The following CACNA2D3 variants were observed in gnomAD, a reference collection of about 807,000 sequenced individuals.
The protein encoded by CACNA2D3 is calcium voltage-gated channel auxiliary subunit alpha2delta 3.
Under a neutral mutation model 160.6 loss-of-function variants are expected in CACNA2D3, and 60 were observed. The observed-to-expected ratio is 0.37, with a 90% confidence interval of 0.30 to 0.46. The LOEUF is 0.46. Ranked by LOEUF, CACNA2D3 falls within the 20% of genes least tolerant of loss-of-function variation. CACNA2D3 has a pLI of 1.00. For synonymous variants in CACNA2D3, 558 were observed against 492.9 expected (o/e 1.13, Z -1.75); for missense variants, 1,205 against 1,365.0 (o/e 0.88, Z 1.85).
At chr3:54,569,191 A>G (rs901524933) in intron 6 of CACNA2D3, among the ~76,000 whole-genome samples, 1 of 152,352 alleles carries the variant, frequency 6.6e-6, no homozygotes, top group Admixed American at 6.5e-5. Flanking sequence ...ACACATGGGG[A>G]AAACTCCCCA....
intron 31 of CACNA2D3, among the ~76,000 whole-genome samples, chr3:54,991,156 A>G (rs1219400777): frequency 6.6e-6 from 1 of 152,016 alleles, no homozygotes; most frequent in East Asian, 1.9e-4. Flanking sequence ...AAATAGGACC[A>G]GTTGCACAAT....
chr3:54,610,284 C>G (rs542569711), intron 9 of CACNA2D3, among the ~76,000 whole-genome samples: 1 of 152,184 alleles, frequency 6.6e-6, no homozygotes, highest in Non-Finnish European at 1.5e-5. Context: ...ACCCATAATA[C>G]CTGCCAAGTA....
At position 54,826,701 on chromosome 3, in the gene CACNA2D3, C is replaced by A. The variant is rs373253839; in HGVS notation, c.1398+9831C>A. On this transcript the variant is annotated intron_variant, in intron 14 of 37. Coordinates refer to ENST00000474759, the MANE Select transcript of CACNA2D3 (RefSeq NM_018398.3). ...TCCCAGTGTGCATCCTTCCTAATCT[C>A]CTTTAATATTTATGATCATAATTAA... Among the ~76,000 whole-genome samples the A allele has an allele frequency of 2.0e-5, 3 of 152,256 alleles. No homozygotes were observed. The East Asian group carries it at 5.8e-4, about 29-fold the overall frequency.
chr3:54,811,465 C>CTTTTTTTTTTTTTTTTTTTTTTTTT (rs71096451), intron 13 of CACNA2D3, among the ~76,000 whole-genome samples: 2 of 111,562 alleles, frequency 1.8e-5, no homozygotes, highest in African/African-American at 3.4e-5. Context: ...TCCCTCAGTT[C>CTTTTTTTTTTTTTTTTTTTTTTTTT]TTTTTTTTTT....
chr3:54,197,716 C>T (rs1252654181), intron 2 of CACNA2D3, among the ~76,000 whole-genome samples: 1 of 152,192 alleles, frequency 6.6e-6, no homozygotes, highest in Non-Finnish European at 1.5e-5. Context: ...GGCCTTTGAT[C>T]TGCAGGCGGC....
chr3:54,131,558 C>T (rs1285313876), intron 2 of CACNA2D3, among the ~76,000 whole-genome samples: 1 of 152,228 alleles, frequency 6.6e-6, no homozygotes, highest in Non-Finnish European at 1.5e-5. Context: ...CGATATGTGG[C>T]ACCTGGGAAG....
chr3:54,454,387 C>A (rs1700361136), intron 4 of CACNA2D3, among the ~76,000 whole-genome samples: 1 of 152,158 alleles, frequency 6.6e-6, no homozygotes, highest in African/African-American at 2.4e-5. Flanking sequence ...AGTCTCCTCA[C>A]CCCATTGCCT....
At chr3:54,828,529 A>G (rs1703793373) in intron 14 of CACNA2D3, among the ~76,000 whole-genome samples, 1 of 152,236 alleles carries the variant, frequency 6.6e-6, no homozygotes, top group South Asian at 2.1e-4. Flanking sequence ...GACATATCCT[A>G]GAATCACTGG....
At chr3:54,429,375 C>A (rs910466466) in intron 4 of CACNA2D3, among the ~76,000 whole-genome samples, 1 of 151,988 alleles carries the variant, frequency 6.6e-6, no homozygotes, top group Non-Finnish European at 1.5e-5. Context: ...CTTTCCATTT[C>A]TTTTCTCCTT....
intron 13 of CACNA2D3, among the ~76,000 whole-genome samples, chr3:54,799,861 G>T (rs140862799): frequency 1.3e-5 from 2 of 152,130 alleles, no homozygotes; most frequent in Non-Finnish European, 2.9e-5. Flanking sequence ...CTGAAAGGAA[G>T]TATCAGTACC....
chr3:54,915,557 A>G (rs1244384165), intron 27 of CACNA2D3, among the ~76,000 whole-genome samples: 4 of 152,188 alleles, frequency 2.6e-5, no homozygotes, highest in Non-Finnish European at 4.4e-5. Context: ...GGCGTTTGCA[A>G]ATTACCCCTC....
intron 11 of CACNA2D3, among the ~76,000 whole-genome samples, chr3:54,668,269 G>T (rs1307927977): frequency 6.6e-6 from 1 of 152,136 alleles, no homozygotes; most frequent in Non-Finnish European, 1.5e-5. Context: ...TCCACCCTGA[G>T]TCATTAGTGT....
intron 13 of CACNA2D3, among the ~76,000 whole-genome samples, chr3:54,784,120 G>C (rs1559580570): frequency 6.6e-6 from 1 of 152,160 alleles, no homozygotes; most frequent in Non-Finnish European, 1.5e-5. Flanking sequence ...CACTGTGAAG[G>C]GTAGTCAGGC....
intron 2 of CACNA2D3, among the ~76,000 whole-genome samples, chr3:54,132,258 A>C (rs1026303775): frequency 6.6e-6 from 1 of 152,180 alleles, no homozygotes; most frequent in Non-Finnish European, 1.5e-5. Flanking sequence ...TTGGAATGCT[A>C]TTGTCATTTG....
At chr3:54,186,538 T>G (rs1220405432) in intron 2 of CACNA2D3, among the ~76,000 whole-genome samples, 3 of 152,210 alleles carry the variant, frequency 2.0e-5, no homozygotes, top group Non-Finnish European at 2.9e-5. Flanking sequence ...CTTTCTTTAC[T>G]TTTTAGAGAT....
At chr3:54,159,350 T>C (rs1325957249) in intron 2 of CACNA2D3, among the ~76,000 whole-genome samples, 1 of 152,178 alleles carries the variant, frequency 6.6e-6, no homozygotes, top group Non-Finnish European at 1.5e-5. Context: ...GTATGTACAA[T>C]TTTAGGTGCT....
intron 2 of CACNA2D3, among the ~76,000 whole-genome samples, chr3:54,261,158 G>A (rs1431374060): frequency 2.0e-5 from 3 of 152,178 alleles, no homozygotes; most frequent in African/African-American, 7.2e-5. Context: ...ATTTAAGTAA[G>A]TTAAACAATT....
chr3:54,143,134 TG>T (rs1699967949), intron 2 of CACNA2D3, among the ~76,000 whole-genome samples: 2 of 152,356 alleles, frequency 1.3e-5, no homozygotes, highest in Admixed American at 6.5e-5. Flanking sequence ...AACAACTGCT[TG>T]GTTCTGGCCA....
intron 27 of CACNA2D3, among the ~76,000 whole-genome samples, chr3:54,957,881 G>A (rs1701940848): frequency 1.3e-5 from 2 of 152,158 alleles, no homozygotes; most frequent in South Asian, 4.1e-4. Flanking sequence ...ATCTATTTGT[G>A]TCTCACATCC....
Sources: gnomAD v4.1 joint callset for allele counts (sites outside exome capture counted in the v4.1 genomes callset) on GRCh38, gnomAD v4.1.1 for gene constraint, MANE v1.5 for transcripts, NCBI Gene and HGNC (gene_info 2026-07-23, HGNC 2026-07-21) for gene names.